Variants in ARID1B observed in about 807,000 individuals in gnomAD.
ARID1B encodes AT-rich interactive domain-containing protein 1B.
ARID1B carries 30 observed loss-of-function variants against 212.3 expected under a neutral mutation model. That is an observed-to-expected ratio of 0.14 (90% CI 0.11 to 0.19). ARID1B has a LOEUF of 0.19. Among genes scored for constraint, ARID1B ranks in the 10% least tolerant of loss-of-function variants. ARID1B has a pLI of 1.00. For missense variants in ARID1B, 2,891 were observed against 3,204.0 expected (o/e 0.90, Z 2.36); for synonymous variants, 1,402 against 1,301.7 (o/e 1.08, Z -1.66).
rs1306229546 is a variant in ARID1B, at chr6:157,201,060, C to A, written c.4835C>A (p.Pro1612His). ...QGPGGPTQAPPYPGMNRTDDM... is the reference protein window; with the variant it reads ...QGPGGPTQAPHYPGMNRTDDM... ...CCTGGCGGCCCTACACAGGCGCCCC[C>A]TTACCCAGGCATGAACCGCACAGAC... Residue 1612 changes from proline (P) to histidine (H), a missense_variant, in exon 18 of 20, where the codon CCT becomes CAT. By Grantham distance (77) the Pro-to-His change is moderately conservative. Transcript: ENST00000636930. This position sits in a 1 kb window ranked among gnomAD's most constrained non-coding sequence, Gnocchi z 5.2. The A allele has an allele frequency of 1.2e-6, 2 of 1,613,842 alleles. No homozygotes were observed. The highest frequency in any genetic ancestry group is 1.7e-6 in the Non-Finnish European group (2 of 1,179,858).
intron 5 of ARID1B, among the ~76,000 whole-genome samples, chr6:157,089,881 G>A (rs1008539245): frequency 2.6e-5 from 4 of 151,298 alleles, no homozygotes; most frequent in Non-Finnish European, 3.0e-5. Context: ...ATCCCATCAC[G>A]TTGCACTTAC....
At chr6:156,882,305 T>A (rs2128170710) in intron 2 of ARID1B, among the ~76,000 whole-genome samples, 1 of 152,310 alleles carries the variant, frequency 6.6e-6, no homozygotes, top group Non-Finnish European at 1.5e-5. Flanking sequence ...GCTGTGCTTC[T>A]TTGATGCCAC....
In ARID1B at chr6:156,778,488, G is replaced by C. The variant is rs911708913; in HGVS notation, c.808G>C (p.Asp270His). 7.8e-7 allele frequency: 1 copy of C among 1,286,112 alleles called. No homozygotes were observed. The highest frequency in any genetic ancestry group is 9.8e-7 in the Non-Finnish European group (1 of 1,023,092). The allele number at this position is 1,286,112 out of a possible 1,614,324, so 79.7% of individuals were successfully genotyped here. Residue 270 changes from aspartate (D) to histidine (H), a missense_variant, in exon 1 of 20, where the codon GAC (aspartate) becomes CAC (histidine). Around this residue, in one of 7 missense-constraint regions of ARID1B, gnomAD observed 1,643 missense variants for 1,544.0 expected, o/e 1.06. Transcript: ENST00000636930. ...PLLSKPGDED[D>H]APPKMGEPAG... ...GCTGAGCAAGCCGGGCGACGAGGAC[G>C]ACGCGCCGCCCAAGATGGGGGAGCC...
chr6:157,146,637 C>T (rs796256560), intron 7 of ARID1B, among the ~76,000 whole-genome samples: 19 of 152,266 alleles, frequency 1.2e-4, no homozygotes, highest in African/African-American at 2.4e-4. Context: ...CATACCCATA[C>T]GTGCACGTGC....
At chr6:157,132,332 G>A (rs1788607046) in intron 6 of ARID1B, among the ~76,000 whole-genome samples, 1 of 152,224 alleles carries the variant, frequency 6.6e-6, no homozygotes, top group Non-Finnish European at 1.5e-5. Flanking sequence ...GGCAGTACCA[G>A]TTACAGAGGT....
At chr6:157,132,953 G>A in intron 6 of ARID1B, 75 bp from the exon 7 acceptor site, 2 of 1,480,232 alleles carry the variant, frequency 1.4e-6, no homozygotes, top group Non-Finnish European at 1.8e-6. Flanking sequence ...TGCCACATCA[G>A]TCCATGTCCA....
intron 1 of ARID1B, among the ~76,000 whole-genome samples, chr6:156,792,853 C>T (rs959198005): frequency 6.6e-6 from 1 of 152,094 alleles, no homozygotes; most frequent in African/African-American, 2.4e-5. Flanking sequence ...AGGTTTAGTC[C>T]TTAGGATGTC....
intron 1 of ARID1B, among the ~76,000 whole-genome samples, chr6:156,823,688 G>GTTGTT (rs371775783): frequency 8.5e-6 from 1 of 118,028 alleles, no homozygotes; most frequent in African/African-American, 3.2e-5. Flanking sequence ...TTTCTTTGTT[G>GTTGTT]TTTTTTTTTT....
At chr6:157,122,957 C>CA (rs1190875888) in intron 6 of ARID1B, among the ~76,000 whole-genome samples, 8 of 152,310 alleles carry the variant, frequency 5.3e-5, no homozygotes, top group African/African-American at 1.4e-4. Context: ...ACTGGGATTA[C>CA]AGGCATGAGC....
In ARID1B at chr6:157,167,310, T is replaced by C. The variant is rs1791404627; in HGVS notation, c.3235+125T>C. 4 of 1,184,490 alleles carry C rather than the reference T, an allele frequency of 3.4e-6. No individual in the cohort carries two copies. In the South Asian group the frequency reaches 6.8e-5, roughly 20 times the overall value. The allele number at this position is 1,184,490 out of a possible 1,614,324, so 73.4% of individuals were successfully genotyped here. A position where few individuals can be genotyped will look rare whatever the true frequency, so the allele number is the denominator to read the frequency against. On this transcript the variant is annotated intron_variant, in intron 9 of 19. Transcript: ENST00000636930. ...CAGTTGGCGAAAGTGGGAATCATAC[T>C]ACTTTTCTGCTTCTCAGAAACTTGC...
At chr6:156,848,334 T>G (rs1784361433) in intron 2 of ARID1B, among the ~76,000 whole-genome samples, 1 of 152,158 alleles carries the variant, frequency 6.6e-6, no homozygotes, top group South Asian at 2.1e-4. Flanking sequence ...GTTAGAGTAA[T>G]TATAACAAAA....
At chr6:156,975,624 T>TC (rs1265975536) in intron 4 of ARID1B, among the ~76,000 whole-genome samples, 1 of 150,096 alleles carries the variant, frequency 6.7e-6, no homozygotes, top group Non-Finnish European at 1.5e-5. Context: ...TTTTTTTTTT[T>TC]TTTTTTCAGT....
At chr6:157,162,736 T>C (rs1468591815) in intron 8 of ARID1B, among the ~76,000 whole-genome samples, 1 of 152,224 alleles carries the variant, frequency 6.6e-6, no homozygotes. Flanking sequence ...AGCGGTGCTG[T>C]GGTCTAACCC....
At chr6:157,163,193 G>A (rs1256791702) in intron 8 of ARID1B, among the ~76,000 whole-genome samples, 1 of 152,154 alleles carries the variant, frequency 6.6e-6, no homozygotes, top group African/African-American at 2.4e-5. Flanking sequence ...GCCAGGGAGC[G>A]CTGCTCTGGA....
At chr6:156,855,016 G>A (rs1010191497) in intron 2 of ARID1B, among the ~76,000 whole-genome samples, 6 of 152,104 alleles carry the variant, frequency 3.9e-5, no homozygotes, top group Admixed American at 2.6e-4. Flanking sequence ...CTATGAGTTC[G>A]GGGCAGTTGG....
intron 1 of ARID1B, among the ~76,000 whole-genome samples, chr6:156,804,999 A>C (rs1781057128): frequency 6.6e-6 from 1 of 152,164 alleles, no homozygotes; most frequent in South Asian, 2.1e-4. Context: ...AGTGACATGT[A>C]AATAGGACAA....
chr6:157,123,249 ACAC>A (rs1294940369), intron 6 of ARID1B, among the ~76,000 whole-genome samples: 1 of 14,338 alleles, frequency 7.0e-5, no homozygotes, highest in South Asian at 3.0e-3. Context: ...CCCCCCCCCC[ACAC>A]ACACACAAGC....
At chr6:157,025,367 GAA>G (rs1780592459) in intron 4 of ARID1B, among the ~76,000 whole-genome samples, 1 of 152,218 alleles carries the variant, frequency 6.6e-6, no homozygotes, top group South Asian at 2.1e-4. Flanking sequence ...ACTATGTTGA[GAA>G]ATGCATAACA....
intron 10 of ARID1B, 82 bp downstream of exon 10, chr6:157,174,199 C>T (rs955982827): frequency 7.1e-6 from 9 of 1,266,824 alleles, no homozygotes; most frequent in African/African-American, 5.9e-5. Flanking sequence ...TGGTGTTGGC[C>T]GACACTTTTT....
Sources: allele counts gnomAD v4.1 joint callset (sites outside exome capture counted in the v4.1 genomes callset), GRCh38; gene constraint gnomAD v4.1.1; regional missense constraint gnomAD v4.1.1; non-coding constraint Gnocchi (gnomAD v3.1); transcripts MANE v1.5; gene names NCBI Gene and HGNC (gene_info 2026-07-23, HGNC 2026-07-21).